The following SMCO4 variants were observed in gnomAD, a reference collection of about 807,000 sequenced individuals.
The protein encoded by SMCO4 is single-pass membrane protein with coiled-coil domains 4, also known as single-pass membrane and coiled-coil domain-containing protein 4.
SMCO4 carries 4 observed loss-of-function variants against 3.6 expected under a neutral mutation model. That is an observed-to-expected ratio of 1.11 (90% CI 0.54 to 2.53). The LOEUF (loss-of-function observed/expected upper bound fraction) is 2.53. SMCO4 is among the 30% of genes most tolerant of loss of function. The pLI, the probability that SMCO4 is intolerant of heterozygous loss-of-function variation, is 0.02. For missense variants in SMCO4, 70 were observed against 80.8 expected (o/e 0.87, Z 0.51); for synonymous variants, 36 against 35.3 (o/e 1.02, Z -0.07).
chr11:93,514,374 C>CTACATATATATATA (rs1948985375), intron 1 of SMCO4, among the ~76,000 whole-genome samples: 1 of 39,080 alleles, frequency 2.6e-5, no homozygotes, highest in Non-Finnish European at 6.4e-5. Context: ...CAGGATGAGG[C>CTACATATATATATA]TATATATATA....
At chr11:93,536,589 G>A (rs1949227220) in intron 1 of SMCO4, among the ~76,000 whole-genome samples, 1 of 152,164 alleles carries the variant, frequency 6.6e-6, no homozygotes, top group African/African-American at 2.4e-5. Context: ...TAGTGTATTT[G>A]TGTATACAGG....
At chr11:93,493,859 C>T (rs749699914) in intron 2 of SMCO4, among the ~76,000 whole-genome samples, 4 of 152,154 alleles carry the variant, frequency 2.6e-5, no homozygotes, top group Non-Finnish European at 5.9e-5. Context: ...CTGTCCCTCT[C>T]GCCAATGCTG....
At chr11:93,522,573 T>C (rs577423437) in intron 1 of SMCO4, among the ~76,000 whole-genome samples, 1 of 152,336 alleles carries the variant, frequency 6.6e-6, no homozygotes, top group African/African-American at 2.4e-5. Context: ...GGAAGTACAA[T>C]AAATAAGATG....
At chr11:93,511,031 A>G (rs111936170) in intron 1 of SMCO4, among the ~76,000 whole-genome samples, 3 of 152,142 alleles carry the variant, frequency 2.0e-5, no homozygotes, top group Non-Finnish European at 2.9e-5. Flanking sequence ...CCCAGGAGGC[A>G]GAGGATGCAG....
intron 1 of SMCO4, among the ~76,000 whole-genome samples, chr11:93,527,955 A>T (rs113612443): frequency 6.6e-6 from 1 of 152,178 alleles, no homozygotes; most frequent in Non-Finnish European, 1.5e-5. Flanking sequence ...TTGTTTTTTT[A>T]AAATAGGAAT....
At chr11:93,538,292 A>T (rs1002923234) in intron 1 of SMCO4, among the ~76,000 whole-genome samples, 5 of 152,122 alleles carry the variant, frequency 3.3e-5, no homozygotes, top group Non-Finnish European at 5.9e-5. Context: ...CTTCCCAGTC[A>T]ACCCCTGCAA....
Position 93,507,536 on chromosome 11 carries a change from T to A in SMCO4, c.-153-8188A>T, listed in dbSNP as rs1308861484. Reference sequence around the variant, plus strand: ...GTTGATATTTTTCTAAACGGTGGTATTAAATGTGATATTTTGATATTTTCC... The same window carrying A: ...GTTGATATTTTTCTAAACGGTGGTAATAAATGTGATATTTTGATATTTTCC... On this transcript the variant is annotated intron_variant, in intron 1 of 2. Transcript: ENST00000298966. 5.9e-5 allele frequency among the ~76,000 whole-genome samples: 9 copies of A among 152,374 alleles called. No individual in the cohort carries two copies. The East Asian group carries it at 1.5e-3, about 26-fold the overall frequency.
chr11:93,487,100 T>C (rs2134575547), intron 2 of SMCO4, among the ~76,000 whole-genome samples: 1 of 152,208 alleles, frequency 6.6e-6, no homozygotes, highest in East Asian at 1.9e-4. Context: ...CTGCCCTGGG[T>C]TCAGGGAGAC....
At chr11:93,515,266 C>A (rs936672664) in intron 1 of SMCO4, among the ~76,000 whole-genome samples, 1 of 152,052 alleles carries the variant, frequency 6.6e-6, no homozygotes, top group Non-Finnish European at 1.5e-5. Context: ...AGAATTTTAA[C>A]GAGAAAACCA....
chr11:93,534,190 CAAAAAA>C (rs1168392909), intron 1 of SMCO4, among the ~76,000 whole-genome samples: 15 of 110,420 alleles, frequency 1.4e-4, no homozygotes, highest in South Asian at 1.1e-3. Context: ...GACTCCGTCT[CAAAAAA>C]AAAAAAAAAA....
rs75302266 is a variant in SMCO4 at position 93,498,977 on chromosome 11, G to A, written c.-81+299C>T. 9.3e-4 allele frequency among the ~76,000 whole-genome samples: 141 copies of A among 152,248 alleles called. 1 individual carries two copies. The highest frequency in any genetic ancestry group is 1.8e-3 in the Admixed American group (28 of 15,302). The stretch of plus-strand genomic sequence containing the variant: ...GGGGGTGTGTCACAGACCTCTACCC[G>A]ACTGGCCAAGAGAGGAAGGGTGAGA... On this transcript the variant is annotated intron_variant, in intron 2 of 2. Transcript: ENST00000298966.
upstream of SMCO4, among the ~76,000 whole-genome samples, chr11:93,547,506 C>T (rs1427603899): frequency 6.6e-6 from 1 of 152,086 alleles, no homozygotes; most frequent in Non-Finnish European, 1.5e-5. Flanking sequence ...TTTCACTGTT[C>T]TCATCATATT....
At chr11:93,500,197 C>T (rs910011358) in intron 1 of SMCO4, among the ~76,000 whole-genome samples, 7 of 152,174 alleles carry the variant, frequency 4.6e-5, no homozygotes, top group African/African-American at 1.7e-4. Flanking sequence ...GGTGGGTCAG[C>T]AATCAGTGCT....
chr11:93,553,582 AC>A, the SMCO4 span, among the ~76,000 whole-genome samples: 1 of 152,178 alleles, frequency 6.6e-6, no homozygotes, highest in Non-Finnish European at 1.5e-5. Flanking sequence ...CATAATTTAC[AC>A]CTTTCACTGC....
intron 1 of SMCO4, among the ~76,000 whole-genome samples, chr11:93,534,313 CACATATATACACATAT>C (rs1232700062): frequency 2.0e-5 from 3 of 146,838 alleles, no homozygotes; most frequent in East Asian, 2.0e-4. Flanking sequence ...TACATATATA[CACATATATACACATAT>C]ACATATATAC....
intron 1 of SMCO4, among the ~76,000 whole-genome samples, chr11:93,542,321 A>G (rs1210735584): frequency 6.6e-6 from 1 of 152,170 alleles, no homozygotes; most frequent in Non-Finnish European, 1.5e-5. Flanking sequence ...GGTGTCACTT[A>G]AAGAGCAAGG....
intron 1 of SMCO4, among the ~76,000 whole-genome samples, chr11:93,540,298 T>A (rs1374453111): frequency 6.6e-6 from 1 of 152,124 alleles, no homozygotes; most frequent in Admixed American, 6.5e-5. Flanking sequence ...CTGCAATTAG[T>A]GGGTACATTT....
intron 2 of SMCO4, among the ~76,000 whole-genome samples, chr11:93,495,083 A>C (rs866150751): frequency 2.0e-5 from 3 of 151,834 alleles, no homozygotes; most frequent in Non-Finnish European, 2.9e-5. Context: ...CTATTCTCCC[A>C]AGCATTCCTT....
At position 93,514,421 on chromosome 11, in the gene SMCO4, T is replaced by A. The variant is rs4495856; in HGVS notation, c.-153-15073A>T. ...ATATATATATATATATATATATATATAAAATTTGGTCTCTTCCAAAGATCA... is the reference window on the plus strand; with the variant it reads ...ATATATATATATATATATATATATAAAAAATTTGGTCTCTTCCAAAGATCA... On this transcript the variant is annotated intron_variant, in intron 1 of 2. Transcript: ENST00000298966. Among the ~76,000 whole-genome samples, 134 of 53,402 alleles carry A rather than the reference T, an allele frequency of 2.5e-3. 1 individual carries two copies. The highest frequency in any genetic ancestry group is 0.011 in the Middle Eastern group (1 of 90). The allele number at this position is 53,402 out of a possible 152,430, so 35.0% of individuals were successfully genotyped here.
Sources: allele counts gnomAD v4.1 joint callset (sites outside exome capture counted in the v4.1 genomes callset), GRCh38; gene constraint gnomAD v4.1.1; transcripts MANE v1.5; gene names NCBI Gene and HGNC (gene_info 2026-07-23, HGNC 2026-07-21).